The following SYDE2 variants were observed in gnomAD, a reference collection of about 807,000 sequenced individuals.
The protein encoded by SYDE2 is synapse defective Rho GTPase homolog 2, also known as rho GTPase-activating protein SYDE2.
A neutral mutation model predicts 91.5 loss-of-function variants in SYDE2; 76 were observed. The ratio of observed to expected loss-of-function variants is 0.83; its 90% CI spans 0.69 to 1.01. The LOEUF is 1.01. Among genes scored for constraint, SYDE2 ranks in the 50% least tolerant of loss-of-function variants. The pLI, the probability that SYDE2 is intolerant of heterozygous loss-of-function variation, is 0.00. For missense variants in SYDE2, 1,364 were observed against 1,367.7 expected, an observed-to-expected ratio of 1.00 and a Z score of 0.04; for synonymous variants, 513 against 506.4, an observed-to-expected ratio of 1.01 and a Z score of -0.18.
chr1:85,161,196 T>C (rs1222622921), intron 6 of SYDE2: 1 of 723,576 alleles, frequency 1.4e-6, no homozygotes, highest in East Asian at 1.3e-4. Context: ...GAAACTTAAT[T>C]TTTCCTTATC....
chr1:85,174,215 T>G (rs1570245115), intron 4 of SYDE2, among the ~76,000 whole-genome samples: 1 of 152,232 alleles, frequency 6.6e-6, no homozygotes, highest in Non-Finnish European at 1.5e-5. Context: ...AGTTGAAGAT[T>G]TCAACACGCC....
Position 85,169,227 on chromosome 1 carries a change from T to G in SYDE2, c.2672-2A>C, listed in dbSNP as rs1557744093. The G allele has an allele frequency of 6.2e-7, 1 of 1,604,258 alleles. No homozygotes were observed. The highest frequency in any genetic ancestry group is 8.5e-7 in the Non-Finnish European group (1 of 1,175,300). On this transcript the variant is annotated splice_acceptor_variant, in intron 4 of 6. Coordinates refer to ENST00000341460, the MANE Select transcript of SYDE2 (RefSeq NM_032184.2). LOFTEE classifies it high-confidence loss of function. ...CTCTTAAATAATCCTTAAGAACACC[T>G]TTAAAAAACAAACCGCAGACAGTTG...
rs1225571678 is a variant in SYDE2, at chr1:85,166,454, C to A, written c.2854-1697G>T. 2.0e-5 allele frequency among the ~76,000 whole-genome samples: 3 copies of A among 151,420 alleles called. No homozygotes were observed. In the East Asian group the frequency reaches 5.8e-4, roughly 29 times the overall value. On this transcript the variant is annotated intron_variant, in intron 5 of 6. Transcript: ENST00000341460. The stretch of plus-strand genomic sequence containing the variant: ...ATAACATTATTTCTGGAGCCAAAAG[C>A]GACAAATGGATTTGCTGGTCAGAAG...
At chr1:85,189,623 G>C (rs186779821) in intron 2 of SYDE2, among the ~76,000 whole-genome samples, 29 of 152,274 alleles carry the variant, frequency 1.9e-4, no homozygotes, top group African/African-American at 6.0e-4. Flanking sequence ...ATGGTTTGAG[G>C]TCAGGAGTTC....
intron 1 of SYDE2, among the ~76,000 whole-genome samples, chr1:85,196,944 A>C (rs1462137248): frequency 6.6e-6 from 1 of 152,194 alleles, no homozygotes; most frequent in African/African-American, 2.4e-5. Flanking sequence ...TATACAGTCT[A>C]AAGTTTTTTC....
chr1:85,192,640 G>C (rs924546286), intron 1 of SYDE2, among the ~76,000 whole-genome samples: 7 of 152,094 alleles, frequency 4.6e-5, no homozygotes, highest in Non-Finnish European at 8.8e-5. Flanking sequence ...TTATGTGGCA[G>C]GCATGAGAGA....
chr1:85,174,169 C>G (rs1016318271), intron 4 of SYDE2, among the ~76,000 whole-genome samples: 5 of 151,970 alleles, frequency 3.3e-5, no homozygotes, highest in African/African-American at 1.2e-4. Context: ...GAAACAAAAA[C>G]AGTTTGAAGA....
downstream of SYDE2, chr1:85,156,781 C>T (rs1656892366): frequency 6.6e-6 from 1 of 152,054 alleles, no homozygotes; most frequent in African/African-American, 2.4e-5. Context: ...ATGGATAATA[C>T]ATGATGGTCC....
At position 85,200,362 on chromosome 1, in the gene SYDE2, G is replaced by T. The variant is rs2100701826; in HGVS notation, c.635C>A (p.Thr212Lys). 1.9e-6 allele frequency: 3 copies of T among 1,614,002 alleles called. No individual in the cohort carries two copies. The East Asian group carries it at 6.7e-5, about 36-fold the overall frequency. ...CTGCGTTCCTGTGACTTTGGGAGCC[G>T]TCCCACGGGCACGACCCTTCATTCC... ...SLGMKGRARG[T>K]APKVTGTQAA... Residue 212 changes from threonine (T) to lysine (K), a missense_variant, in exon 1 of 7, where the codon ACG becomes AAG. Physicochemically the swap from Thr to Lys is moderately conservative, Grantham distance 78 (BLOSUM62 -1). Coordinates refer to ENST00000341460, the MANE Select transcript of SYDE2 (RefSeq NM_032184.2).
chr1:85,159,603 A>G (rs554472497), intron 6 of SYDE2, among the ~76,000 whole-genome samples: 55 of 152,224 alleles, frequency 3.6e-4, no homozygotes, highest in Non-Finnish European at 6.8e-4. Context: ...CTACAGCAAA[A>G]AGCAGGCAAG....
At chr1:85,155,009 C>CAAAAAAAAAAAAAAAAAAA, downstream of SYDE2, among the ~76,000 whole-genome samples, 5 of 80,666 alleles carry the variant, frequency 6.2e-5, no homozygotes, top group African/African-American at 1.3e-4. Flanking sequence ...AAGAATGCAG[C>CAAAAAAAAAAAAAAAAAAA]AAAAAAAAAA....
intron 4 of SYDE2, among the ~76,000 whole-genome samples, chr1:85,171,522 T>A (rs1019856528): frequency 9.9e-5 from 15 of 152,216 alleles, no homozygotes; most frequent in Admixed American, 8.5e-4. Flanking sequence ...GTGTTAAATA[T>A]TGCAGAGAAC....
chr1:85,167,000 C>A (rs1166235486), intron 5 of SYDE2, among the ~76,000 whole-genome samples: 2 of 152,016 alleles, frequency 1.3e-5, no homozygotes, highest in African/African-American at 2.4e-5. Flanking sequence ...TGCTTGAGCT[C>A]AGGAGTTCGA....
At chr1:85,190,999 T>C (rs1343536060) in intron 1 of SYDE2, among the ~76,000 whole-genome samples, 1 of 152,082 alleles carries the variant, frequency 6.6e-6, no homozygotes, top group Non-Finnish European at 1.5e-5. Flanking sequence ...ACTCTGAGCC[T>C]GCCTTTATAA....
rs1439826801 is a variant in SYDE2 at position 85,157,629 on chromosome 1, T to A, written c.*1121A>T. On this transcript the variant is annotated 3_prime_UTR_variant, in exon 7 of 7. Coordinates refer to ENST00000341460, the MANE Select transcript of SYDE2 (RefSeq NM_032184.2). ...AAAGATGACTTTTCCCAGGGGACAT[T>A]GTGACTTTCTGTGAATAAAGGAAAG... 6.6e-6 allele frequency: 1 copy of A among 152,202 alleles called. No homozygotes were observed. Among genetic ancestry groups the A allele is most frequent in the Admixed American group, 6.5e-5 (1 of 15,282 alleles). 9.4% of individuals were successfully genotyped at this position (152,202 alleles called of 1,614,324 possible). A position where few individuals can be genotyped will look rare whatever the true frequency, so the allele number is the denominator to read the frequency against.
chr1:85,165,803 C>T (rs1181731589), intron 5 of SYDE2, among the ~76,000 whole-genome samples: 1 of 146,508 alleles, frequency 6.8e-6, no homozygotes, highest in Non-Finnish European at 1.5e-5. Context: ...AATCATTTAA[C>T]AAAATGAGTA....
rs1657010960 is a variant in SYDE2, at chr1:85,160,239, T to C, written c.3086-990A>G. On this transcript the variant is annotated intron_variant, in intron 6 of 6. Coordinates refer to ENST00000341460, the MANE Select transcript of SYDE2 (RefSeq NM_032184.2). ...TTTATACTCTCCAATATATAATGAATGCTTGTTTGCTGTTGTATAAAATAA... is the reference window on the plus strand; with the variant it reads ...TTTATACTCTCCAATATATAATGAACGCTTGTTTGCTGTTGTATAAAATAA... The C allele has an allele frequency of 3.1e-6, 3 of 967,122 alleles. No homozygotes were observed. In the South Asian group the frequency reaches 1.4e-4, roughly 46 times the overall value. The allele number at this position is 967,122 out of a possible 1,614,324, so 59.9% of individuals were successfully genotyped here.
intron 3 of SYDE2, among the ~76,000 whole-genome samples, chr1:85,180,974 A>C (rs1657892483): frequency 6.6e-6 from 1 of 152,188 alleles, no homozygotes; most frequent in Non-Finnish European, 1.5e-5. Context: ...ATTAACCAAA[A>C]GTTGGATTGG....
Position 85,158,759 on chromosome 1 carries a change from CATATT to C in SYDE2, c.3571_3575del (p.Asn1191GlufsTer41). ...AAAAAAACCCTCAATCTCAAAAACT[CATATT>C]AAGCTTGTTTTTGTTGAGCTCACGT... On this transcript the variant is annotated frameshift_variant, in exon 7 of 7. Transcript: ENST00000341460. LOFTEE classifies it high-confidence loss of function. 1.4e-6 allele frequency: 1 copy of C among 734,410 alleles called. No homozygotes were observed. The allele number at this position is 734,410 out of a possible 1,614,324, so 45.5% of individuals were successfully genotyped here.
Sources: gnomAD v4.1 joint callset for allele counts (sites outside exome capture counted in the v4.1 genomes callset) on GRCh38, gnomAD v4.1.1 for gene constraint, MANE v1.5 for transcripts, NCBI Gene and HGNC (gene_info 2026-07-23, HGNC 2026-07-21) for gene names.